Variants in GRK1 observed in about 807,000 individuals in gnomAD.
GRK1 encodes G protein-coupled receptor kinase 1, also known as rhodopsin kinase GRK1.
In GRK1, 28 loss-of-function variants were observed where a neutral mutation model predicts 41.7. The ratio of observed to expected loss-of-function variants is 0.67; its 90% CI spans 0.50 to 0.92. The LOEUF (loss-of-function observed/expected upper bound fraction) is 0.92. Among genes scored for constraint, GRK1 ranks in the 40% least tolerant of loss-of-function variants. GRK1 has a pLI of 0.00. For missense variants in GRK1, 703 were observed against 671.2 expected (o/e 1.05, Z -0.52); for synonymous variants, 327 against 286.7 (o/e 1.14, Z -1.42).
In GRK1 at chr13:113,732,821, G is replaced by T. The variant is rs1043569185; in HGVS notation, c.1195-63G>T. 135 of 1,516,690 alleles carry T rather than the reference G, an allele frequency of 8.9e-5. No individual in the cohort carries two copies. The African/African-American group carries it at 1.7e-3, about 19-fold the overall frequency. 94.0% of individuals were successfully genotyped at this position (1,516,690 alleles called of 1,614,324 possible). Reference sequence around the variant, plus strand: ...GGTGGCTCTTGTGGGAGGAGCTGTGGTCTGGTCTGACCACCCAAGAGAGGC... The same window carrying T: ...GGTGGCTCTTGTGGGAGGAGCTGTGTTCTGGTCTGACCACCCAAGAGAGGC... On this transcript the variant is annotated intron_variant, in intron 5 of 6. Transcript: ENST00000335678.
At chr13:113,648,271 C>T in the GRK1 span, among the ~76,000 whole-genome samples, 3 of 152,376 alleles carry the variant, frequency 2.0e-5, no homozygotes, top group South Asian at 6.2e-4. Context: ...AACCTTACAA[C>T]ATATCTGCAA....
the GRK1 span, among the ~76,000 whole-genome samples, chr13:113,648,591 C>T: frequency 6.6e-6 from 1 of 152,190 alleles, no homozygotes; most frequent in African/African-American, 2.4e-5. Flanking sequence ...AGGGTTAGAG[C>T]TGCTAACTTA....
chr13:113,733,929 T>G (rs868100856), intron 6 of GRK1, among the ~76,000 whole-genome samples: 1 of 127,894 alleles, frequency 7.8e-6, no homozygotes, highest in Non-Finnish European at 1.6e-5. Flanking sequence ...TGTGTGCATG[T>G]GTGCATACGT....
intron 4 of GRK1, among the ~76,000 whole-genome samples, chr13:113,728,708 G>A (rs2049912148): frequency 6.6e-6 from 1 of 152,204 alleles, no homozygotes; most frequent in South Asian, 2.1e-4. Flanking sequence ...GAGACAGGTG[G>A]GATCTGCGGT....
At chr13:113,659,318 G>A in the GRK1 span, among the ~76,000 whole-genome samples, 1 of 152,190 alleles carries the variant, frequency 6.6e-6, no homozygotes, top group African/African-American at 2.4e-5. Context: ...ATGTGCTCAG[G>A]GGCCTTCTGA....
At chr13:113,653,083 A>G in the GRK1 span, 1 of 1,603,250 alleles carries the variant, frequency 6.2e-7, no homozygotes. Context: ...CTGCAGACGG[A>G]CGCACCTGCC....
the GRK1 span, among the ~76,000 whole-genome samples, chr13:113,659,916 T>C: frequency 6.6e-6 from 1 of 152,286 alleles, no homozygotes; most frequent in East Asian, 1.9e-4. Context: ...CTGTTGTCTG[T>C]GAAGGGTATA....
the GRK1 span, among the ~76,000 whole-genome samples, chr13:113,659,679 C>T: frequency 6.6e-6 from 1 of 152,006 alleles, no homozygotes; most frequent in African/African-American, 2.4e-5. Context: ...GGGATCCTCC[C>T]ACCTCGGCCT....
intron 6 of GRK1, among the ~76,000 whole-genome samples, chr13:113,733,899 A>ATGTGTGTATG (rs1166303291): frequency 2.2e-5 from 1 of 45,164 alleles, no homozygotes; most frequent in African/African-American, 7.2e-5. Context: ...GCGTGTGTGT[A>ATGTGTGTATG]TGTGTGCATA....
intron 4 of GRK1, among the ~76,000 whole-genome samples, chr13:113,724,653 G>A (rs185719667): frequency 1.3e-3 from 192 of 152,358 alleles, no homozygotes; most frequent in African/African-American, 4.4e-3. Flanking sequence ...GTGGGATTCC[G>A]TAGCCACTGA....
the GRK1 span, among the ~76,000 whole-genome samples, chr13:113,648,199 C>G: frequency 6.6e-6 from 1 of 152,280 alleles, no homozygotes; most frequent in Admixed American, 6.5e-5. Context: ...CGGTTTTTTA[C>G]TGACGGAGTA....
At chr13:113,723,867 C>T (rs563179827) in intron 4 of GRK1, among the ~76,000 whole-genome samples, 2 of 149,720 alleles carry the variant, frequency 1.3e-5, no homozygotes, top group East Asian at 3.9e-4. Flanking sequence ...TGTGTGCATG[C>T]CCGTGTCTGT....
At chr13:113,657,234 TGAG>T in the GRK1 span, among the ~76,000 whole-genome samples, 4 of 151,964 alleles carry the variant, frequency 2.6e-5, no homozygotes, top group Non-Finnish European at 2.9e-5. Flanking sequence ...CCGTGGGAAT[TGAG>T]GAGGGCCTGA....
intron 6 of GRK1, among the ~76,000 whole-genome samples, chr13:113,733,580 T>C (rs1021092614): frequency 1.3e-5 from 2 of 151,624 alleles, no homozygotes; most frequent in Admixed American, 6.6e-5. Context: ...TGTATGTGTG[T>C]GCATACGTGT....
chr13:113,654,628 G>A, the GRK1 span, among the ~76,000 whole-genome samples: 7 of 152,246 alleles, frequency 4.6e-5, no homozygotes, highest in Admixed American at 1.3e-4. Flanking sequence ...TCTTAAAGCC[G>A]GTTCAGGGGC....
In GRK1 at chr13:113,667,329, T is replaced by C. The variant is rs2140715081; in HGVS notation, c.-58T>C. The C allele has an allele frequency of 6.8e-7, 1 of 1,463,500 alleles. No homozygotes were observed. Among genetic ancestry groups the C allele is most frequent in the South Asian group, 1.4e-5 (1 of 70,504 alleles). 90.7% of individuals were successfully genotyped at this position (1,463,500 alleles called of 1,614,324 possible). On this transcript the variant is annotated 5_prime_UTR_variant, in exon 1 of 7. Transcript: ENST00000335678. The surrounding 1 kb of genome is among the most constrained non-coding windows in gnomAD (Gnocchi z 7.5). ...TCAGGCCTGCTCTGTCTGTGAACGC[T>C]CCCGGCTTGGCCTCGGCTGATGGGC...
chr13:113,727,740 C>T (rs1406914869), intron 4 of GRK1, among the ~76,000 whole-genome samples: 6 of 84,688 alleles, frequency 7.1e-5, no homozygotes, highest in Admixed American at 1.3e-4. Context: ...GTACCCATGG[C>T]GATGAGGACC....
At chr13:113,669,914 C>T in intron 2 of GRK1, 100 bp downstream of exon 2, 1 of 1,429,018 alleles carries the variant, frequency 7.0e-7, no homozygotes, top group Non-Finnish European at 9.5e-7. Context: ...CATGGTGGCC[C>T]CAGGCCTGCC....
At chr13:113,733,814 CG>C (rs2049969127) in intron 6 of GRK1, among the ~76,000 whole-genome samples, 1 of 88,728 alleles carries the variant, frequency 1.1e-5, no homozygotes, top group African/African-American at 4.6e-5. Context: ...TGTGTGCATA[CG>C]TGTGTGCGTG....
Sources: allele counts gnomAD v4.1 joint callset (sites outside exome capture counted in the v4.1 genomes callset), GRCh38; gene constraint gnomAD v4.1.1; non-coding constraint Gnocchi (gnomAD v3.1); transcripts MANE v1.5; gene names NCBI Gene and HGNC (gene_info 2026-07-23, HGNC 2026-07-21).